PTPRO: variants seen among roughly 807,000 people sequenced by gnomAD.
The protein encoded by PTPRO is protein tyrosine phosphatase receptor type O.
Under a neutral mutation model 145.2 loss-of-function variants are expected in PTPRO, and 62 were observed. The observed-to-expected ratio is 0.43, with a 90% confidence interval of 0.35 to 0.53. The LOEUF is 0.53. Among genes scored for constraint, PTPRO ranks in the 20% least tolerant of loss-of-function variants. The pLI is 0.01. For missense variants in PTPRO, 1,345 were observed against 1,482.7 expected, an observed-to-expected ratio of 0.91 and a Z score of 1.53; for synonymous variants, 565 against 514.7, an observed-to-expected ratio of 1.10 and a Z score of -1.32.
chr12:15,589,133 C>T (rs1022749176), intron 24 of PTPRO, among the ~76,000 whole-genome samples: 1 of 152,142 alleles, frequency 6.6e-6, no homozygotes, highest in Non-Finnish European at 1.5e-5. Context: ...CCCAGCACTT[C>T]AGGAGGCCGA....
At chr12:15,528,378 T>C (rs1201558250) in intron 12 of PTPRO, among the ~76,000 whole-genome samples, 1 of 145,024 alleles carries the variant, frequency 6.9e-6, no homozygotes, top group African/African-American at 2.6e-5. Context: ...AAAAAAAAAT[T>C]AGCCAGCATG....
chr12:15,337,213 A>G (rs944506090), intron 1 of PTPRO, among the ~76,000 whole-genome samples: 8 of 152,276 alleles, frequency 5.3e-5, no homozygotes, highest in Middle Eastern at 3.4e-3. Flanking sequence ...CATTGCAGGA[A>G]GATGATCTCA....
chr12:15,368,951 G>A lies in PTPRO; in HGVS notation c.75+46150G>A, dbSNP rs144649042. The stretch of plus-strand genomic sequence containing the variant: ...ACTTCTCATTCTATGAGCAACTCCC[G>A]TGGGGGCTGTGAAATCTTAGGGCAG... On this transcript the variant is annotated intron_variant, in intron 1 of 26. Transcript: ENST00000281171. 7.7e-3 allele frequency among the ~76,000 whole-genome samples: 1,175 copies of A among 152,260 alleles called. 10 individuals carry two copies. The highest frequency in any genetic ancestry group is 0.026 in the African/African-American group (1,073 of 41,552).
At chr12:15,349,654 AT>A in intron 1 of PTPRO, among the ~76,000 whole-genome samples, 1 of 152,306 alleles carries the variant, frequency 6.6e-6, no homozygotes, top group Non-Finnish European at 1.5e-5. Context: ...GTTTACACAA[AT>A]GTGCCCTTAA....
chr12:15,514,216 C>A (rs1040167172), intron 7 of PTPRO, among the ~76,000 whole-genome samples: 2 of 151,878 alleles, frequency 1.3e-5, no homozygotes, highest in Admixed American at 6.6e-5. Flanking sequence ...TTTAGAAGGC[C>A]CAGGCACGTG....
intron 1 of PTPRO, among the ~76,000 whole-genome samples, chr12:15,404,168 A>G (rs1006827235): frequency 4.0e-5 from 6 of 148,934 alleles, no homozygotes; most frequent in Non-Finnish European, 5.9e-5. Context: ...TAGCCTGGGC[A>G]ACAAAGCAAG....
intron 1 of PTPRO, among the ~76,000 whole-genome samples, chr12:15,455,288 G>C (rs1258245104): frequency 6.6e-6 from 1 of 151,636 alleles, no homozygotes; most frequent in African/African-American, 2.4e-5. Flanking sequence ...CAGTAACACT[G>C]TTCACCTCCC....
intron 10 of PTPRO, among the ~76,000 whole-genome samples, chr12:15,522,971 T>A (rs1040590192): frequency 6.6e-6 from 1 of 152,250 alleles, no homozygotes; most frequent in Admixed American, 6.5e-5. Flanking sequence ...CGAAATATGT[T>A]GGAATATATT....
At chr12:15,373,737 T>G (rs1333987398) in intron 1 of PTPRO, among the ~76,000 whole-genome samples, 1 of 152,200 alleles carries the variant, frequency 6.6e-6, no homozygotes, top group Non-Finnish European at 1.5e-5. Context: ...GACTTCATCC[T>G]TCTTGTTTAC....
At chr12:15,359,374 T>C (rs1938100898) in intron 1 of PTPRO, among the ~76,000 whole-genome samples, 1 of 151,588 alleles carries the variant, frequency 6.6e-6, no homozygotes, top group African/African-American at 2.4e-5. Context: ...TCAGATATTA[T>C]AAAGGTTTGT....
At chr12:15,588,911 G>A (rs1474134389) in intron 24 of PTPRO, among the ~76,000 whole-genome samples, 3 of 152,158 alleles carry the variant, frequency 2.0e-5, no homozygotes, top group Admixed American at 2.0e-4. Flanking sequence ...ATGTCTCTCA[G>A]GAACGTAGCC....
intron 1 of PTPRO, among the ~76,000 whole-genome samples, chr12:15,376,240 A>G (rs1938683332): frequency 6.6e-6 from 1 of 152,204 alleles, no homozygotes; most frequent in South Asian, 2.1e-4. Context: ...AAAAAATTTA[A>G]TGAGATTAAT....
At position 15,502,035 on chromosome 12, in the gene PTPRO, T is replaced by G. The variant is rs1249500649; in HGVS notation, c.1077T>G (p.Asp359Glu). ...CACCCAAACCACCCACTGCTTTTGA[T>G]GGGTTCCATATCCATATTGAACGAG... ...WLPPKPPTAF[D>E]GFHIHIEREE... The change falls in exon 5 of 27, where the codon GAT (aspartate) becomes GAG (glutamate). Residue 359 changes from aspartate to glutamate, a missense_variant. Coordinates refer to ENST00000281171, the MANE Select transcript of PTPRO (RefSeq NM_030667.3). 6.2e-7 allele frequency: 1 copy of G among 1,613,498 alleles called. No individual in the cohort carries two copies. The highest frequency in any genetic ancestry group is 8.5e-7 in the Non-Finnish European group (1 of 1,179,458).
At chr12:15,400,854 C>G (rs567404716) in intron 1 of PTPRO, among the ~76,000 whole-genome samples, 26 of 152,292 alleles carry the variant, frequency 1.7e-4, no homozygotes, top group African/African-American at 6.3e-4. Context: ...TACATATAGT[C>G]TGTGACTATT....
intron 14 of PTPRO, among the ~76,000 whole-genome samples, 166 bp from the exon 15 acceptor site, chr12:15,551,385 C>T (rs1449002073): frequency 1.3e-5 from 2 of 152,162 alleles, no homozygotes. Flanking sequence ...TGCTAAGTTA[C>T]AGTTGACCAG....
chr12:15,472,280 T>G (rs1941559785), intron 1 of PTPRO, among the ~76,000 whole-genome samples: 1 of 152,232 alleles, frequency 6.6e-6, no homozygotes, highest in Non-Finnish European at 1.5e-5. Flanking sequence ...TTACTGCCTA[T>G]TGGCCTTACA....
At chr12:15,383,315 C>G (rs921307645) in intron 1 of PTPRO, among the ~76,000 whole-genome samples, 3 of 151,540 alleles carry the variant, frequency 2.0e-5, no homozygotes, top group Admixed American at 6.6e-5. Flanking sequence ...TTTTTTAAGA[C>G]CAAATAGTAT....
At chr12:15,523,224 T>G (rs1942764556) in intron 10 of PTPRO, among the ~76,000 whole-genome samples, 1 of 152,240 alleles carries the variant, frequency 6.6e-6, no homozygotes, top group Non-Finnish European at 1.5e-5. Flanking sequence ...AGTATTAGCA[T>G]CACATTAGGG....
At chr12:15,587,947 T>C (rs34053999) in intron 24 of PTPRO, among the ~76,000 whole-genome samples, 30,735 of 152,244 alleles carry the variant, frequency 0.2, 3,315 homozygotes, top group Middle Eastern at 0.27. Flanking sequence ...TGTGCATTCA[T>C]GTGTGTTTGT....
Sources: allele counts gnomAD v4.1 joint callset (sites outside exome capture counted in the v4.1 genomes callset), GRCh38; gene constraint gnomAD v4.1.1; transcripts MANE v1.5; gene names NCBI Gene and HGNC (gene_info 2026-07-23, HGNC 2026-07-21).